DEAF1: variants seen among roughly 807,000 people sequenced by gnomAD.
DEAF1 encodes the protein DEAF1 transcription factor, also known as deformed epidermal autoregulatory factor 1 homolog.
Under a neutral mutation model 58.9 loss-of-function variants are expected in DEAF1, and 53 were observed. That is an observed-to-expected ratio of 0.90 (90% CI 0.72 to 1.13). The LOEUF (loss-of-function observed/expected upper bound fraction) is 1.13. DEAF1 is among the 50% of genes most tolerant of loss of function. The probability of loss-of-function intolerance (pLI) is 0.00; values close to 1 mark genes in which losing one functional copy is unlikely to be tolerated. For missense variants in DEAF1, 685 were observed against 791.4 expected (o/e 0.87, Z 1.61); for synonymous variants, 385 against 340.4 (o/e 1.13, Z -1.44).
At chr11:701,727 T>C (rs1861506776) in intron 1 of DEAF1, among the ~76,000 whole-genome samples, 1 of 152,186 alleles carries the variant, frequency 6.6e-6, no homozygotes, top group African/African-American at 2.4e-5. Flanking sequence ...GGTTTCGCTA[T>C]GTTACCCTGG....
chr11:674,044 C>T (rs1198528754), intron 10 of DEAF1: 1 of 238,970 alleles, frequency 4.2e-6, no homozygotes, highest in African/African-American at 2.3e-5. Flanking sequence ...TGTGAGCCTC[C>T]CACCATGCAC....
chr11:648,225 C>T (rs1318894014), intron 11 of DEAF1, among the ~76,000 whole-genome samples: 1 of 142,296 alleles, frequency 7.0e-6, no homozygotes, highest in Non-Finnish European at 1.5e-5. Context: ...GACGGAGTCT[C>T]CCTTTGTCTC....
rs1015675727 is a variant in DEAF1 at position 688,534 on chromosome 11, G to A, written c.388-74C>T. On this transcript the variant is annotated intron_variant, in intron 2 of 11. Transcript: ENST00000382409. This position sits in a 1 kb window ranked among gnomAD's most constrained non-coding sequence, Gnocchi z 4.3. ...GCGTGTCACTGAGCCCAGCTGGGCC[G>A]TCCTCCAGCAGGGCTCTCTGGCTGT... 16 of 1,590,600 alleles carry A rather than the reference G, an allele frequency of 1.0e-5. No individual in the cohort carries two copies. Among genetic ancestry groups the A allele is most frequent in the African/African-American group, 4.0e-5 (3 of 74,512 alleles).
intron 7 of DEAF1, among the ~76,000 whole-genome samples, chr11:680,646 CA>C (rs1437065654): frequency 6.6e-6 from 1 of 152,142 alleles, no homozygotes; most frequent in African/African-American, 2.4e-5. Context: ...GAGAATCCCT[CA>C]CCAAGGACGC....
chr11:703,656 G>A, intron 1 of DEAF1: 3 of 1,232,748 alleles, frequency 2.4e-6, no homozygotes, highest in Non-Finnish European at 3.0e-6. Context: ...GGTAGGCCTT[G>A]TGCTCTGAGC....
rs889691540 is a variant in DEAF1 at position 694,899 on chromosome 11, T to C, written c.149A>G (p.Glu50Gly). The C allele has an allele frequency of 1.4e-6, 2 of 1,476,098 alleles. No individual in the cohort carries two copies. The highest frequency in any genetic ancestry group is 2.0e-5 in the Admixed American group (1 of 48,996). 91.4% of individuals were successfully genotyped at this position (1,476,098 alleles called of 1,614,324 possible). ...PVLSRDEDSEEDADSEAERET... is the reference protein window; with the variant it reads ...PVLSRDEDSEGDADSEAERET... The stretch of plus-strand genomic sequence containing the variant: ...CCGCTCCGCCTCCGAGTCTGCGTCC[T>C]CCTCCGAGTCCTCGTCCCTGCTCAG... Residue 50 changes from glutamate to glycine, a missense_variant, in exon 1 of 12, where the codon GAG becomes GGG. Glu to Gly is a moderately conservative substitution (Grantham distance 98, BLOSUM62 -2). This residue lies in a region of DEAF1 where 210 missense variants were observed against 177.3 expected (regional missense o/e 1.18). Coordinates refer to ENST00000382409, the MANE Select transcript of DEAF1 (RefSeq NM_021008.4).
chr11:704,717 G>A, intron 1 of DEAF1: 1 of 1,196,136 alleles, frequency 8.4e-7, no homozygotes, highest in South Asian at 1.3e-5. Flanking sequence ...GGAACGCCAT[G>A]GCTCCAGGTG....
intron 7 of DEAF1, 83 bp from the exon 8 acceptor site, chr11:679,899 C>A: frequency 6.3e-7 from 1 of 1,585,060 alleles, no homozygotes; most frequent in Non-Finnish European, 8.6e-7. Context: ...GGGCGCCAAT[C>A]CTTGTGGGGG....
chr11:662,375 G>A (rs7118655), intron 10 of DEAF1, among the ~76,000 whole-genome samples: 12,760 of 152,276 alleles, frequency 0.084, 663 homozygotes, highest in Admixed American at 0.18. Flanking sequence ...TGGACACCCC[G>A]GCATAAAGCC....
At chr11:652,467 G>A (rs1374015805) in intron 11 of DEAF1, among the ~76,000 whole-genome samples, 2 of 152,136 alleles carry the variant, frequency 1.3e-5, no homozygotes, top group African/African-American at 4.8e-5. Context: ...GTGAAACCCT[G>A]TCTCTACTAA....
intron 10 of DEAF1, among the ~76,000 whole-genome samples, chr11:670,631 C>T (rs888604037): frequency 3.3e-5 from 5 of 151,638 alleles, no homozygotes; most frequent in Non-Finnish European, 5.9e-5. Context: ...ACAAGAATCG[C>T]TTGAACCTGG....
At position 674,528 on chromosome 11, in the gene DEAF1, A is replaced by G; in HGVS notation, c.1503+8T>C. Reference sequence around the variant, plus strand: ...CAGGTCGTGTCTTCCCATTTGTTCCAAGGTTACCTCCTTCCGCTCTGCGTC... The same window carrying G: ...CAGGTCGTGTCTTCCCATTTGTTCCGAGGTTACCTCCTTCCGCTCTGCGTC... On this transcript the variant is annotated splice_region_variant and intron_variant, in intron 10 of 11. Coordinates refer to ENST00000382409, the MANE Select transcript of DEAF1 (RefSeq NM_021008.4). 3 of 1,613,848 alleles carry G rather than the reference A, an allele frequency of 1.9e-6. No individual in the cohort carries two copies. The highest frequency in any genetic ancestry group is 2.5e-6 in the Non-Finnish European group (3 of 1,180,004).
chr11:669,105 G>A (rs560232757), intron 10 of DEAF1, among the ~76,000 whole-genome samples: 5 of 148,106 alleles, frequency 3.4e-5, no homozygotes, highest in Admixed American at 6.8e-5. Context: ...GATTACAGGC[G>A]TAAGCCACTG....
intron 10 of DEAF1, among the ~76,000 whole-genome samples, chr11:657,470 G>C (rs928185565): frequency 2.0e-5 from 3 of 152,272 alleles, no homozygotes; most frequent in Middle Eastern, 3.4e-3. Flanking sequence ...TATAAAATGA[G>C]CCCATCCGGA....
chr11:679,051 G>A (rs1396756602), intron 8 of DEAF1, among the ~76,000 whole-genome samples: 3 of 152,152 alleles, frequency 2.0e-5, no homozygotes, highest in East Asian at 1.9e-4. Context: ...GGTGGCTCAC[G>A]CCTGTAATCC....
At chr11:671,540 A>G (rs1352497022) in intron 10 of DEAF1, among the ~76,000 whole-genome samples, 2 of 151,872 alleles carry the variant, frequency 1.3e-5, no homozygotes, top group Non-Finnish European at 2.9e-5. Flanking sequence ...TTTTAAAATT[A>G]TCTTTGTCTT....
chr11:680,248 C>T (rs1468732082), intron 7 of DEAF1, among the ~76,000 whole-genome samples: 1 of 152,202 alleles, frequency 6.6e-6, no homozygotes, highest in African/African-American at 2.4e-5. Context: ...AAAAAAAAAT[C>T]CTGGCGACAG....
At chr11:694,604 G>A (rs1262164650) in intron 1 of DEAF1, 155 bp downstream of exon 1, 6 of 624,418 alleles carry the variant, frequency 9.6e-6, no homozygotes, top group African/African-American at 2.0e-5. Flanking sequence ...GGTGTGAGGG[G>A]CAGGTGTGCA....
intron 7 of DEAF1, 108 bp downstream of exon 7, chr11:680,855 A>C: frequency 6.6e-7 from 1 of 1,510,452 alleles, no homozygotes; most frequent in Non-Finnish European, 9.2e-7. Context: ...TGGCCACGCA[A>C]TGTGCTTTAG....
Sources: gnomAD v4.1 joint callset for allele counts (sites outside exome capture counted in the v4.1 genomes callset) on GRCh38, gnomAD v4.1.1 for gene constraint, gnomAD v4.1.1 regional missense constraint, Gnocchi (gnomAD v3.1) non-coding constraint, MANE v1.5 for transcripts, NCBI Gene and HGNC (gene_info 2026-07-23, HGNC 2026-07-21) for gene names.